KIF1A: variants seen among roughly 807,000 people sequenced by gnomAD.
KIF1A encodes kinesin family member 1A, also known as kinesin-like protein KIF1A.
Under a neutral mutation model 227.3 loss-of-function variants are expected in KIF1A, and 46 were observed. The ratio of observed to expected loss-of-function variants is 0.20; its 90% CI spans 0.16 to 0.26. The LOEUF (loss-of-function observed/expected upper bound fraction) is 0.26, where lower values mean the gene tolerates loss of function less well. Among genes scored for constraint, KIF1A ranks in the 10% least tolerant of loss-of-function variants. KIF1A has a pLI of 1.00. For missense variants in KIF1A, 1,683 were observed against 2,485.9 expected (o/e 0.68, Z 6.87); for synonymous variants, 1,022 against 1,012.8 (o/e 1.01, Z -0.17).
At chr2:240,770,939 T>C in intron 15 of KIF1A, 32 bp downstream of exon 15, 2 of 1,605,602 alleles carry the variant, frequency 1.2e-6, no homozygotes, top group South Asian at 2.2e-5. Flanking sequence ...TCCCAGAGTC[T>C]GACACCCTGA....
chr2:240,717,576 G>A (rs1440303016), intron 48 of KIF1A, among the ~76,000 whole-genome samples, 170 bp from the exon 49 acceptor site: 1 of 152,126 alleles, frequency 6.6e-6, no homozygotes, highest in Non-Finnish European at 1.5e-5. Context: ...TGGTGTGTAG[G>A]ACTCAGCCCG....
chr2:240,783,006 T>C (rs1157184133), intron 9 of KIF1A, 38 bp downstream of exon 9: 3 of 1,536,584 alleles, frequency 2.0e-6, no homozygotes, highest in Admixed American at 1.7e-5. Context: ...AAAGACCCTC[T>C]GGGGTTCTGG....
At chr2:240,786,097 C>T (rs931257695) in intron 6 of KIF1A, among the ~76,000 whole-genome samples, 4 of 152,198 alleles carry the variant, frequency 2.6e-5, no homozygotes, top group Non-Finnish European at 2.9e-5. Context: ...AGCCGGAGGA[C>T]GCAGACCCCC....
In KIF1A at chr2:240,745,827, G is replaced by T. The variant is rs1402317462; in HGVS notation, c.3285C>A (p.Leu1095=). The stretch of plus-strand genomic sequence containing the variant: ...GGAAGGTGAAGGTGTTGCCCAGGCG[G>T]AGGTGGTCCAGGGCAGCATCCAGGG... ...DGPLDAALDH[L]RLGNTFTFRV... Residue 1095 remains leucine, a synonymous_variant, in exon 31 of 49, where the codon CTC becomes CTA. Coordinates refer to ENST00000498729, the MANE Select transcript of KIF1A (RefSeq NM_001244008.2). The T allele has an allele frequency of 1.2e-6, 2 of 1,612,846 alleles. No homozygotes were observed. Among genetic ancestry groups the T allele is most frequent in the African/African-American group, 2.7e-5 (2 of 74,916 alleles).
intron 43 of KIF1A, 146 bp downstream of exon 43, chr2:240,722,310 C>A: frequency 4.0e-6 from 3 of 745,706 alleles, no homozygotes; most frequent in Non-Finnish European, 6.4e-6. Context: ...GGCAAGGGGA[C>A]CCTAGGGACC....
At chr2:240,794,130 T>C (rs1189791975) in intron 2 of KIF1A, among the ~76,000 whole-genome samples, 1 of 152,086 alleles carries the variant, frequency 6.6e-6, no homozygotes, top group East Asian at 1.9e-4. Context: ...CCCTGGCCCC[T>C]CAACCTCCAG....
intron 5 of KIF1A, 86 bp from the exon 6 acceptor site, chr2:240,786,599 G>A: frequency 7.6e-7 from 1 of 1,319,534 alleles, no homozygotes; most frequent in Non-Finnish European, 1.1e-6. Flanking sequence ...AGGGGGTAGG[G>A]GTCAACATAA....
chr2:240,818,096 CACA>C (rs1440043644), intron 1 of KIF1A, among the ~76,000 whole-genome samples: 1 of 152,132 alleles, frequency 6.6e-6, no homozygotes, highest in Non-Finnish European at 1.5e-5. Flanking sequence ...GCAGGGCTGG[CACA>C]CAGCAGACAT....
At chr2:240,798,695 T>C (rs1442854042) in intron 1 of KIF1A, among the ~76,000 whole-genome samples, 1 of 152,198 alleles carries the variant, frequency 6.6e-6, no homozygotes, top group Admixed American at 6.5e-5. Context: ...TGAAAGGTCT[T>C]TCCGGGCTGA....
At chr2:240,796,430 C>G (rs928164600) in intron 2 of KIF1A, among the ~76,000 whole-genome samples, 1 of 152,194 alleles carries the variant, frequency 6.6e-6, no homozygotes, top group Non-Finnish European at 1.5e-5. Flanking sequence ...GCCCCGGCCA[C>G]GGAGGTCACC....
At position 240,740,349 on chromosome 2, in the gene KIF1A, C is replaced by T. The variant is rs765454599; in HGVS notation, c.3765G>A (p.Val1255=). 3.1e-6 allele frequency: 5 copies of T among 1,613,638 alleles called. No homozygotes were observed. The highest frequency in any genetic ancestry group is 2.7e-5 in the African/African-American group (2 of 74,986). Reference sequence around the variant, plus strand: ...ATGGCATGCCCCCACGGTGGTCCACCACGGCCGGGATGTAACTGGAAGAGA... The same window carrying T: ...ATGGCATGCCCCCACGGTGGTCCACTACGGCCGGGATGTAACTGGAAGAGA... ...LEANGDYIPA[V]VDHRGGMPCM... is the part of the protein sequence containing the mutation. The change falls in exon 36 of 49, where the codon GTG becomes GTA. Residue 1255 remains valine, a synonymous_variant. Transcript: ENST00000498729. This position sits in a 1 kb window ranked among gnomAD's most constrained non-coding sequence, Gnocchi z 6.1.
rs1230788816 is a variant in KIF1A at position 240,740,382 on chromosome 2, A to G, written c.3750-18T>C. The G allele has an allele frequency of 1.9e-6, 3 of 1,610,830 alleles. No individual in the cohort carries two copies. Among genetic ancestry groups the G allele is most frequent in the South Asian group, 1.1e-5 (1 of 91,030 alleles). ...GGATGTAACTGGAAGAGAGAGACACATGTGAGGAGCGGCCAGCCCCTCCTC... is the reference window on the plus strand; with the variant it reads ...GGATGTAACTGGAAGAGAGAGACACGTGTGAGGAGCGGCCAGCCCCTCCTC... On this transcript the variant is annotated intron_variant, in intron 35 of 48. Coordinates refer to ENST00000498729, the MANE Select transcript of KIF1A (RefSeq NM_001244008.2). The surrounding 1 kb of genome is among the most constrained non-coding windows in gnomAD (Gnocchi z 6.1).
intron 32 of KIF1A, 95 bp downstream of exon 32, chr2:240,745,332 A>G: frequency 2.0e-6 from 2 of 988,358 alleles, no homozygotes; most frequent in South Asian, 2.7e-5. Context: ...CTGGCCCACA[A>G]CTGGTGTTCA....
chr2:240,809,668 A>ATTTTTTTTT (rs59491347), intron 1 of KIF1A, among the ~76,000 whole-genome samples: 4 of 140,358 alleles, frequency 2.8e-5, no homozygotes, highest in African/African-American at 1.1e-4. Flanking sequence ...TAGGGAAGGA[A>ATTTTTTTTT]TTTTTTTTTT....
intron 1 of KIF1A, among the ~76,000 whole-genome samples, chr2:240,807,491 C>A (rs1228643745): frequency 6.6e-6 from 1 of 152,144 alleles, no homozygotes; most frequent in Non-Finnish European, 1.5e-5. Flanking sequence ...ATACCTAATA[C>A]AATGTGAATG....
chr2:240,820,706 C>T (rs1214694290), upstream of KIF1A, among the ~76,000 whole-genome samples: 1 of 151,962 alleles, frequency 6.6e-6, no homozygotes, highest in Non-Finnish European at 1.5e-5. The surrounding 1 kb of genome is among the most constrained non-coding windows in gnomAD (Gnocchi z 6.2). Context: ...CTCCTTGCGC[C>T]AGGGATGCTG....
At chr2:240,748,706 T>C in intron 28 of KIF1A, 1 of 313,226 alleles carries the variant, frequency 3.2e-6, no homozygotes, top group Non-Finnish European at 6.8e-6. Flanking sequence ...GTGTTCACCC[T>C]CACTCCCCAG....
intron 1 of KIF1A, among the ~76,000 whole-genome samples, chr2:240,806,071 T>C (rs890499936): frequency 8.5e-5 from 13 of 152,180 alleles, no homozygotes; most frequent in Admixed American, 3.3e-4. Flanking sequence ...CAATAGGCAG[T>C]GCAGGACTGT....
chr2:240,744,682 C>A (rs2048380782), intron 32 of KIF1A, among the ~76,000 whole-genome samples: 1 of 152,196 alleles, frequency 6.6e-6, no homozygotes, highest in Non-Finnish European at 1.5e-5. Flanking sequence ...AAGAAGGGGG[C>A]AATCCTGCCC....
Sources: allele counts gnomAD v4.1 joint callset (sites outside exome capture counted in the v4.1 genomes callset), GRCh38; gene constraint gnomAD v4.1.1; non-coding constraint Gnocchi (gnomAD v3.1); transcripts MANE v1.5; gene names NCBI Gene and HGNC (gene_info 2026-07-23, HGNC 2026-07-21).